RAI1: variants seen among roughly 807,000 people sequenced by gnomAD.
RAI1 encodes retinoic acid induced 1, also known as retinoic acid-induced protein 1.
In RAI1, 9 loss-of-function variants were observed where a neutral mutation model predicts 123.8. The ratio of observed to expected loss-of-function variants is 0.07; its 90% CI spans 0.04 to 0.13. The LOEUF is 0.13. Ranked by LOEUF, RAI1 falls within the 10% of genes least tolerant of loss-of-function variation. RAI1 has a pLI of 1.00. For missense variants in RAI1, 2,256 were observed against 2,545.8 expected (o/e 0.89, Z 2.45); for synonymous variants, 1,231 against 1,127.3 (o/e 1.09, Z -1.84).
intron 1 of RAI1, among the ~76,000 whole-genome samples, chr17:17,719,395 A>G (rs1205132411): frequency 6.6e-6 from 1 of 152,100 alleles, no homozygotes; most frequent in Non-Finnish European, 1.5e-5. Flanking sequence ...CTGCTGCCTC[A>G]GGGTCTTTGC....
chr17:17,797,933 C>A lies in RAI1; in HGVS notation c.4985C>A (p.Pro1662His). 6.2e-7 allele frequency: 1 copy of A among 1,614,044 alleles called. No homozygotes were observed. ...LPGGSILQPR[P>H]SLPLSSTMHL... ...GGAGGCTCCATCCTGCAGCCGCGGC[C>A]CTCCTTGCCCCTCTCCTCCACGATG... Residue 1662 changes from proline (P) to histidine (H), a missense_variant, in exon 3 of 6, where the codon CCC (proline) becomes CAC (histidine). By Grantham distance (77) the Pro-to-His change is moderately conservative. This residue lies in a region of RAI1 where 410 missense variants were observed against 374.6 expected (regional missense o/e 1.09). Transcript: ENST00000353383.
intron 2 of RAI1, 78 bp from the exon 3 acceptor site, chr17:17,792,855 G>A (rs926468054): frequency 1.7e-6 from 2 of 1,159,140 alleles, no homozygotes; most frequent in African/African-American, 1.5e-5. Context: ...CGTCTGAATC[G>A]CTCATCCTCT....
chr17:17,783,455 G>GC (rs1007188198), intron 2 of RAI1, among the ~76,000 whole-genome samples: 2 of 151,702 alleles, frequency 1.3e-5, no homozygotes, highest in African/African-American at 4.8e-5. Flanking sequence ...AATTTTACCT[G>GC]CCCCTGAGGG....
chr17:17,774,193 G>GT (rs748071436), intron 2 of RAI1, among the ~76,000 whole-genome samples: 2 of 152,196 alleles, frequency 1.3e-5, no homozygotes, highest in Non-Finnish European at 1.5e-5. Flanking sequence ...TTCTGTATCT[G>GT]TTTTGCTCAT....
chr17:17,780,836 A>G (rs1170686765), intron 2 of RAI1, among the ~76,000 whole-genome samples: 2 of 152,142 alleles, frequency 1.3e-5, no homozygotes, highest in Non-Finnish European at 2.9e-5. Flanking sequence ...CCACTCTGTA[A>G]TGCTAGGCTC....
At chr17:17,682,110 G>A (rs1021285983) in intron 1 of RAI1, among the ~76,000 whole-genome samples, 3 of 150,318 alleles carry the variant, frequency 2.0e-5, no homozygotes, top group Non-Finnish European at 4.4e-5. Flanking sequence ...TGTGGCAAGG[G>A]ATCTGCTTGC....
At chr17:17,744,789 CA>C (rs58984430) in intron 2 of RAI1, among the ~76,000 whole-genome samples, 6,015 of 46,942 alleles carry the variant, frequency 0.13, 40 homozygotes, top group African/African-American at 0.15. Flanking sequence ...GACTCCGTCT[CA>C]AAAAAAAAAA....
At chr17:17,686,172 C>G (rs1326937780) in intron 1 of RAI1, among the ~76,000 whole-genome samples, 3 of 152,234 alleles carry the variant, frequency 2.0e-5, no homozygotes, top group Admixed American at 6.5e-5. Flanking sequence ...AGAAATGCTT[C>G]CTGGCAGGAG....
At chr17:17,804,725 T>G (rs2032562630) in intron 4 of RAI1, among the ~76,000 whole-genome samples, 1 of 152,152 alleles carries the variant, frequency 6.6e-6, no homozygotes, top group African/African-American at 2.4e-5. Context: ...AGGGGTGCAG[T>G]CGTGGCTCAC....
At chr17:17,747,191 G>A (rs890823947) in intron 2 of RAI1, among the ~76,000 whole-genome samples, 1 of 152,108 alleles carries the variant, frequency 6.6e-6, no homozygotes, top group Non-Finnish European at 1.5e-5. Flanking sequence ...CCTCATTTGG[G>A]GTAAATGCAC....
chr17:17,766,659 C>T (rs1285053499), intron 2 of RAI1, among the ~76,000 whole-genome samples: 1 of 152,210 alleles, frequency 6.6e-6, no homozygotes, highest in Non-Finnish European at 1.5e-5. Context: ...AGGCCCAGGG[C>T]GGGGACCCCA....
chr17:17,736,816 ATTCT>A (rs1916448325), intron 2 of RAI1, among the ~76,000 whole-genome samples: 1 of 152,150 alleles, frequency 6.6e-6, no homozygotes, highest in African/African-American at 2.4e-5. Context: ...CTGGAAATGG[ATTCT>A]TTCTAGAGAG....
intron 2 of RAI1, among the ~76,000 whole-genome samples, chr17:17,730,452 G>A (rs1916233828): frequency 6.6e-6 from 1 of 152,246 alleles, no homozygotes; most frequent in Admixed American, 6.5e-5. Flanking sequence ...GCTCTGCCAG[G>A]GCAGCCCATG....
At chr17:17,754,993 C>T (rs985159709) in intron 2 of RAI1, among the ~76,000 whole-genome samples, 6 of 152,198 alleles carry the variant, frequency 3.9e-5, no homozygotes, top group Admixed American at 6.5e-5. Flanking sequence ...CTTTGGAGTG[C>T]GACAGCGGGG....
chr17:17,703,406 C>T (rs904720588), intron 1 of RAI1, among the ~76,000 whole-genome samples: 1 of 152,180 alleles, frequency 6.6e-6, no homozygotes, highest in Non-Finnish European at 1.5e-5. Context: ...GATCAAGCCC[C>T]TAGGCCAAAA....
In RAI1 at chr17:17,800,025, C is replaced by T. The variant is rs1312115200; in HGVS notation, c.5565+1512C>T. On this transcript the variant is annotated intron_variant, in intron 3 of 5. Transcript: ENST00000353383. The surrounding 1 kb of genome is among the most constrained non-coding windows in gnomAD (Gnocchi z 4.7). ...AGACGCCCTGCCCACCTCACTCCAC[C>T]CTCCACCTCAGAGGAAGGCTGGCCC... Among the ~76,000 whole-genome samples the T allele has an allele frequency of 6.6e-6, 1 of 152,166 alleles. No homozygotes were observed. The highest frequency in any genetic ancestry group is 2.4e-5 in the African/African-American group (1 of 41,418).
chr17:17,752,701 G>A (rs2030255069), intron 2 of RAI1, among the ~76,000 whole-genome samples: 1 of 152,202 alleles, frequency 6.6e-6, no homozygotes, highest in East Asian at 1.9e-4. Flanking sequence ...TTGCCACGCT[G>A]GCCCCTCCCT....
At chr17:17,694,424 G>T (rs1270645604) in intron 1 of RAI1, among the ~76,000 whole-genome samples, 1 of 152,178 alleles carries the variant, frequency 6.6e-6, no homozygotes, top group African/African-American at 2.4e-5. Context: ...ATCCCAGCGA[G>T]GGCAGCCCCC....
intron 2 of RAI1, among the ~76,000 whole-genome samples, chr17:17,762,817 C>T (rs1051768995): frequency 6.6e-6 from 1 of 152,116 alleles, no homozygotes; most frequent in Non-Finnish European, 1.5e-5. Flanking sequence ...CCCGCCTCCC[C>T]CTCCCCACTG....
Sources: gnomAD v4.1 joint callset for allele counts (sites outside exome capture counted in the v4.1 genomes callset) on GRCh38, gnomAD v4.1.1 for gene constraint, gnomAD v4.1.1 regional missense constraint, Gnocchi (gnomAD v3.1) non-coding constraint, MANE v1.5 for transcripts, NCBI Gene and HGNC (gene_info 2026-07-23, HGNC 2026-07-21) for gene names.